APMAP: variants seen among roughly 807,000 people sequenced by gnomAD.
APMAP encodes the protein adipocyte plasma membrane-associated protein.
A neutral mutation model predicts 43.6 loss-of-function variants in APMAP; 33 were observed. The ratio of observed to expected loss-of-function variants is 0.76; its 90% confidence interval spans 0.57 to 1.01. The LOEUF is 1.01. APMAP is among the 50% of genes least tolerant of loss of function. APMAP has a pLI of 0.00. For missense variants in APMAP, 498 were observed against 540.7 expected, an observed-to-expected ratio of 0.92 and a Z score of 0.78; for synonymous variants, 224 against 216.7, an observed-to-expected ratio of 1.03 and a Z score of -0.30.
intron 5 of APMAP, 90 bp from the exon 6 acceptor site, chr20:24,970,461 G>A (rs544274674): frequency 8.6e-7 from 1 of 1,157,402 alleles, no homozygotes; most frequent in Non-Finnish European, 1.2e-6. Context: ...GATTTAAAAA[G>A]AAAAACTGAA....
At chr20:24,983,756 C>T (rs754149688) in intron 2 of APMAP, 147 bp downstream of exon 2, 3 of 536,970 alleles carry the variant, frequency 5.6e-6, no homozygotes, top group Non-Finnish European at 9.8e-6. Flanking sequence ...GCATAAAAAC[C>T]CAGGTACTAA....
At chr20:24,966,775 CA>C (rs2087947323) in intron 8 of APMAP, among the ~76,000 whole-genome samples, 1 of 152,178 alleles carries the variant, frequency 6.6e-6, no homozygotes, top group Admixed American at 6.5e-5. Flanking sequence ...GGACAACTGG[CA>C]AAATCTGAAT....
intron 1 of APMAP, among the ~76,000 whole-genome samples, chr20:24,990,789 G>A (rs1248576217): frequency 1.3e-5 from 2 of 152,146 alleles, no homozygotes; most frequent in East Asian, 1.9e-4. Context: ...AAGAAAAACA[G>A]CTACCATGTT....
intron 5 of APMAP, 51 bp from the exon 6 acceptor site, chr20:24,970,422 A>G (rs1345529820): frequency 2.0e-6 from 3 of 1,529,494 alleles, no homozygotes; most frequent in Non-Finnish European, 2.7e-6. Context: ...GAACTTCTCA[A>G]TAATTGCAAA....
intron 3 of APMAP, among the ~76,000 whole-genome samples, chr20:24,974,616 A>G (rs2088035258): frequency 6.6e-6 from 1 of 152,190 alleles, no homozygotes; most frequent in African/African-American, 2.4e-5. Context: ...CTTTAAATAT[A>G]AAGACATATA....
intron 2 of APMAP, 65 bp from the exon 3 acceptor site, chr20:24,978,947 G>C (rs1054468409): frequency 1.5e-6 from 2 of 1,292,780 alleles, no homozygotes; most frequent in African/African-American, 2.9e-5. Context: ...TGTGTACCGA[G>C]CACCTGCTCT....
At chr20:24,983,260 A>T (rs2088119997) in intron 2 of APMAP, among the ~76,000 whole-genome samples, 1 of 152,232 alleles carries the variant, frequency 6.6e-6, no homozygotes, top group African/African-American at 2.4e-5. Flanking sequence ...CTCATTTAAA[A>T]TAAGCTTCAG....
In APMAP at chr20:24,978,851, G is replaced by T; in HGVS notation, c.244C>A (p.Leu82Met). The change falls in exon 3 of 9, where the codon CTG becomes ATG. Residue 82 changes from leucine (L) to methionine (M), a missense_variant. Transcript: ENST00000217456. ...TGTCGCAGCTTCGTATTTGGATGCA[G>T]AACACCAAGCAAGAGCGGGGGTTCT... ...FKEPPLLLGVLHPNTKLRQAE... is the reference protein window; with the variant it reads ...FKEPPLLLGVMHPNTKLRQAE... 1 of 1,613,726 alleles carries T rather than the reference G, an allele frequency of 6.2e-7. No individual in the cohort carries two copies. Among genetic ancestry groups the T allele is most frequent in the South Asian group, 1.1e-5 (1 of 91,066 alleles).
chr20:24,973,798 C>T (rs1370252672), intron 3 of APMAP, 61 bp from the exon 4 acceptor site: 1 of 1,456,852 alleles, frequency 6.9e-7, no homozygotes, highest in African/African-American at 1.4e-5. Flanking sequence ...GACTAAGCCG[C>T]CTTCTCCTAC....
intron 6 of APMAP, 127 bp downstream of exon 6, chr20:24,970,070 T>C: frequency 8.3e-7 from 1 of 1,199,822 alleles, no homozygotes; most frequent in East Asian, 2.4e-5. Flanking sequence ...GCCACTAAGG[T>C]CCTGTCCTAG....
chr20:24,988,964 T>A (rs987171700), intron 1 of APMAP, among the ~76,000 whole-genome samples: 2 of 152,206 alleles, frequency 1.3e-5, no homozygotes, highest in African/African-American at 4.8e-5. Flanking sequence ...TAAGCACAGC[T>A]CCTGGACCCC....
chr20:24,979,016 G>A (rs2088077190), intron 2 of APMAP, 134 bp from the exon 3 acceptor site: 2 of 663,004 alleles, frequency 3.0e-6, no homozygotes, highest in African/African-American at 3.7e-5. Context: ...GAAATACAAG[G>A]GTTAAGAAAA....
At position 24,992,614 on chromosome 20, in the gene APMAP, G is replaced by A; in HGVS notation, c.75C>T (p.Ala25=). 1 of 1,566,648 alleles carries A rather than the reference G, an allele frequency of 6.4e-7. No individual in the cohort carries two copies. Among genetic ancestry groups the A allele is most frequent in the Non-Finnish European group, 8.6e-7 (1 of 1,156,600 alleles). Residue 25 remains alanine (A), a synonymous_variant, in exon 1 of 9, where the codon GCC becomes GCT. Coordinates refer to ENST00000217456, the MANE Select transcript of APMAP (RefSeq NM_020531.3). ...PQVVTDDDGQ[A]PEAKDGSSFS... ...CCTACCTGCCGTCCTTAGCCTCCGG[G>A]GCCTGGCCATCATCGTCTGTGACGA... is the stretch of plus-strand genomic sequence containing the variant.
At position 24,964,468 on chromosome 20, in the gene APMAP, T is replaced by A. The variant is rs544191663; in HGVS notation, c.1042-446A>T. 106 of 471,396 alleles carry A rather than the reference T, an allele frequency of 2.2e-4. 1 individual carries two copies. The highest frequency in any genetic ancestry group is 1.6e-3 in the South Asian group (106 of 64,572). 29.2% of individuals were successfully genotyped at this position (471,396 alleles called of 1,614,324 possible). A position where few individuals can be genotyped will look rare whatever the true frequency, so the allele number is the denominator to read the frequency against. ...AGGCAAGGTGCAAATGATGGAGATT[T>A]GAGAGCAGCTCACATTCAAAAAAAG... On this transcript the variant is annotated intron_variant, in intron 8 of 8. Transcript: ENST00000217456.
In APMAP at chr20:24,964,018, A is replaced by AAGAGCT. The variant is rs1195524278; in HGVS notation, c.1042-2_1045dup (p.Leu348_Phe349insTer). On this transcript the variant is annotated stop_gained, in exon 9 of 9. Transcript: ENST00000217456. LOFTEE classifies it high-confidence loss of function. The stretch of plus-strand genomic sequence containing the variant: ...AAACTTCATCACCGTCTCTTGACTA[A>AAGAGCT]AGAGCTAGAGGGAAGCACAGTGCAG... The AAGAGCT allele has an allele frequency of 6.2e-7, 1 of 1,614,072 alleles. No individual in the cohort carries two copies. The highest frequency in any genetic ancestry group is 8.5e-7 in the Non-Finnish European group (1 of 1,180,040).
intron 5 of APMAP, 76 bp from the exon 6 acceptor site, chr20:24,970,447 A>C (rs2087989329): frequency 1.1e-5 from 15 of 1,366,796 alleles, no homozygotes; most frequent in Non-Finnish European, 1.5e-5. Flanking sequence ...TAACCAACCT[A>C]ACTGATTTAA....
At chr20:24,967,622 T>G (rs1251506625) in intron 8 of APMAP, among the ~76,000 whole-genome samples, 1 of 152,238 alleles carries the variant, frequency 6.6e-6, no homozygotes, top group Non-Finnish European at 1.5e-5. Flanking sequence ...CATACTACCC[T>G]ACGCTAAGGG....
rs746852265 is a variant in APMAP, at chr20:24,973,674, G to T, written c.392C>A (p.Thr131Asn). The change falls in exon 4 of 9, where the codon ACC becomes AAC. Residue 131 changes from threonine to asparagine, a missense_variant. Coordinates refer to ENST00000217456, the MANE Select transcript of APMAP (RefSeq NM_020531.3). ...VVKLENGEIE[T>N]IARFGSGPCK... is the part of the protein sequence containing the mutation. ...AGGGCCCGAACCAAACCGGGCAATG[G>T]TCTCTATTTCACCATTTTCAAGTTT... 1 of 1,614,130 alleles carries T rather than the reference G, an allele frequency of 6.2e-7. No individual in the cohort carries two copies. The highest frequency in any genetic ancestry group is 1.7e-5 in the Admixed American group (1 of 60,018).
rs1332524013 is a variant in APMAP, at chr20:24,970,449, CTG to C, written c.539-80_539-79del. On this transcript the variant is annotated intron_variant, in intron 5 of 8. Coordinates refer to ENST00000217456, the MANE Select transcript of APMAP (RefSeq NM_020531.3). ...AATTGCAAAATATTAACCAACCTAA[CTG>C]ATTTAAAAAGAAAAACTGAAACTTC... 4 of 1,367,080 alleles carry C rather than the reference CTG, an allele frequency of 2.9e-6. No homozygotes were observed. In the African/African-American group the frequency reaches 5.9e-5, roughly 20 times the overall value. The allele number at this position is 1,367,080 out of a possible 1,614,324, so 84.7% of individuals were successfully genotyped here. A position where few individuals can be genotyped will look rare whatever the true frequency, so the allele number is the denominator to read the frequency against.
Sources: allele counts gnomAD v4.1 joint callset (sites outside exome capture counted in the v4.1 genomes callset), GRCh38; gene constraint gnomAD v4.1.1; transcripts MANE v1.5; gene names NCBI Gene and HGNC (gene_info 2026-07-23, HGNC 2026-07-21).